Variants in JAG1 observed in about 807,000 individuals in gnomAD.
The protein encoded by JAG1 is jagged canonical Notch ligand 1, also known as protein jagged-1.
In JAG1, 23 loss-of-function variants were observed where a neutral mutation model predicts 148.7. That is an observed-to-expected ratio of 0.15 (90% CI 0.11 to 0.22). The LOEUF is 0.22. Among genes scored for constraint, JAG1 ranks in the 10% least tolerant of loss-of-function variants. JAG1 has a pLI of 1.00. For synonymous variants in JAG1, 572 were observed against 598.3 expected, an observed-to-expected ratio of 0.96 and a Z score of 0.64; for missense variants, 1,054 against 1,611.2, an observed-to-expected ratio of 0.65 and a Z score of 5.92.
rs1416747384 is a variant in JAG1, at chr20:10,652,731, C to T, written c.756-133G>A. The T allele has an allele frequency of 8.1e-6, 7 of 865,804 alleles. No homozygotes were observed. The East Asian group carries it at 1.6e-4, about 20-fold the overall frequency. The allele number at this position is 865,804 out of a possible 1,614,324, so 53.6% of individuals were successfully genotyped here. On this transcript the variant is annotated intron_variant, in intron 5 of 25. Transcript: ENST00000254958. ...GGGACAGGAAGGTAGACTCCCAAGG[C>T]TCATCAGGGGCTCCGTATAAACAAA...
chr20:10,643,109 C>A (rs2067284675), intron 20 of JAG1, among the ~76,000 whole-genome samples: 1 of 152,240 alleles, frequency 6.6e-6, no homozygotes, highest in Non-Finnish European at 1.5e-5. Flanking sequence ...AAACATGAAA[C>A]AGATACAACC....
At chr20:10,658,445 C>T (rs758847237) in intron 4 of JAG1, 23 bp downstream of exon 4, 7 of 1,612,766 alleles carry the variant, frequency 4.3e-6, no homozygotes, top group Non-Finnish European at 5.1e-6. Flanking sequence ...GGCACACGTG[C>T]ACATGCACAC....
chr20:10,649,245 G>A (rs1165760468), intron 10 of JAG1, 138 bp from the exon 11 acceptor site: 7 of 694,936 alleles, frequency 1.0e-5, no homozygotes, highest in Non-Finnish European at 1.8e-5. Flanking sequence ...AGGTTATTAC[G>A]CTGGGTGGGG....
chr20:10,641,718 C>T, intron 22 of JAG1, 25 bp from the exon 23 acceptor site: 1 of 1,612,360 alleles, frequency 6.2e-7, no homozygotes, highest in Non-Finnish European at 8.5e-7. Flanking sequence ...AAGCTGGCAG[C>T]TTAGCAGGCA....
intron 2 of JAG1, among the ~76,000 whole-genome samples, chr20:10,664,836 C>T (rs2067442519): frequency 6.6e-6 from 1 of 152,158 alleles, no homozygotes; most frequent in African/African-American, 2.4e-5. Context: ...AAACTGAAGG[C>T]ACCTTTTATC....
In JAG1 at chr20:10,641,970, A is replaced by C. The variant is rs1019256938; in HGVS notation, c.2573-78T>G. 7.6e-6 allele frequency: 7 copies of C among 925,392 alleles called. No homozygotes were observed. The African/African-American group carries it at 1.1e-4, about 15-fold the overall frequency. The allele number at this position is 925,392 out of a possible 1,614,324, so 57.3% of individuals were successfully genotyped here. A position where few individuals can be genotyped will look rare whatever the true frequency, so the allele number is the denominator to read the frequency against. The stretch of plus-strand genomic sequence containing the variant: ...TTCAATTCTTTGGTCCCTGTTATGA[A>C]ATGGTTATGCCTGTGCCCTTTGCCA... On this transcript the variant is annotated intron_variant, in intron 21 of 25. Coordinates refer to ENST00000254958, the MANE Select transcript of JAG1 (RefSeq NM_000214.3).
chr20:10,639,678 G>T lies in JAG1; in HGVS notation c.3477C>A (p.Asp1159Glu). The change falls in exon 26 of 26, where the codon GAC becomes GAA. Residue 1159 changes from aspartate to glutamate, a missense_variant. Physicochemically the swap from Asp to Glu is conservative, Grantham distance 45 (BLOSUM62 2). This residue lies in a region of JAG1 where 177 missense variants were observed against 177.3 expected (regional missense o/e 1.00). Transcript: ENST00000254958. ...IRTHNSEVEE[D>E]DMDKHQQKAR... Reference sequence around the variant, plus strand: ...CTTTCTGCTGGTGTTTGTCCATGTCGTCCTCTTCTACTTCAGAATTGTGTG... The same window carrying T: ...CTTTCTGCTGGTGTTTGTCCATGTCTTCCTCTTCTACTTCAGAATTGTGTG... The T allele has an allele frequency of 6.2e-7, 1 of 1,614,176 alleles. No individual in the cohort carries two copies. The highest frequency in any genetic ancestry group is 1.1e-5 in the South Asian group (1 of 91,088).
In JAG1 at chr20:10,672,906, G is replaced by A. The variant is rs199603948; in HGVS notation, c.182C>T (p.Pro61Leu). ...NGNCCGGARN[P>L]GDRKCTRDEC... The stretch of plus-strand genomic sequence containing the variant: ...GTCGCGGGTGCACTTGCGGTCTCCC[G>A]GGTTCCGGGCGCCGCCGCAGCAGTT... Residue 61 changes from proline (P) to leucine (L), a missense_variant, in exon 2 of 26, where the codon CCG becomes CTG. Coordinates refer to ENST00000254958, the MANE Select transcript of JAG1 (RefSeq NM_000214.3). The A allele has an allele frequency of 3.1e-6, 5 of 1,613,058 alleles. No individual in the cohort carries two copies. The East Asian group carries it at 6.7e-5, about 22-fold the overall frequency.
intron 12 of JAG1, 131 bp downstream of exon 12, chr20:10,648,414 ACTCT>A (rs1171134737): frequency 8.8e-6 from 7 of 794,448 alleles, no homozygotes; most frequent in South Asian, 1.4e-5. Context: ...TCTAGCAGAG[ACTCT>A]CTCATCAATA....
Position 10,641,094 on chromosome 20 carries a change from G to C in JAG1, c.3048+19C>G. ...GCCTTGCCATCGAATAATGAGGTGT[G>C]AATGGGTCTTATACTTACAATGGCC... On this transcript the variant is annotated intron_variant, in intron 24 of 25. Coordinates refer to ENST00000254958, the MANE Select transcript of JAG1 (RefSeq NM_000214.3). The C allele has an allele frequency of 6.2e-7, 1 of 1,614,048 alleles. No individual in the cohort carries two copies. The highest frequency in any genetic ancestry group is 8.5e-7 in the Non-Finnish European group (1 of 1,180,012).
intron 2 of JAG1, among the ~76,000 whole-genome samples, chr20:10,665,094 A>G (rs76533384): frequency 0.073 from 11,118 of 152,262 alleles, 545 homozygotes; most frequent in Non-Finnish European, 0.11. Flanking sequence ...AAGCCATAGG[A>G]AATAGAAGCG....
chr20:10,656,409 T>A lies in JAG1; in HGVS notation c.744A>T (p.Pro248=), dbSNP rs10485741. ...CSPKHGSCKL[P]GDCRCQYGWQ... ...ACCAGTTGATTTACCTGCAGTCACC[T>A]GGGAGTTTGCAAGACCCATGCTTAG... The change falls in exon 5 of 26, where the codon CCA becomes CCT. Residue 248 remains proline (P), a synonymous_variant. Transcript: ENST00000254958. 1.2e-6 allele frequency: 2 copies of A among 1,613,482 alleles called. No individual in the cohort carries two copies. Among genetic ancestry groups the A allele is most frequent in the East Asian group, 4.5e-5 (2 of 44,882 alleles).
At chr20:10,660,954 C>T (rs1217522744) in intron 3 of JAG1, among the ~76,000 whole-genome samples, 1 of 152,166 alleles carries the variant, frequency 6.6e-6, no homozygotes, top group Non-Finnish European at 1.5e-5. Flanking sequence ...TGGGACCACA[C>T]CGACCCAAAA....
intron 3 of JAG1, among the ~76,000 whole-genome samples, chr20:10,659,016 C>T (rs1160535069): frequency 6.6e-6 from 1 of 152,214 alleles, no homozygotes; most frequent in East Asian, 1.9e-4. Flanking sequence ...AACAAAGCCA[C>T]AGTGAGCATT....
chr20:10,654,106 TAA>T (rs2067363330), intron 5 of JAG1, among the ~76,000 whole-genome samples: 1 of 152,200 alleles, frequency 6.6e-6, no homozygotes, highest in African/African-American at 2.4e-5. Context: ...TGAAAGATAG[TAA>T]GAGGGAACTG....
chr20:10,671,074 T>C (rs1213749963), intron 2 of JAG1, among the ~76,000 whole-genome samples: 1 of 152,138 alleles, frequency 6.6e-6, no homozygotes, highest in Non-Finnish European at 1.5e-5. Flanking sequence ...AAGATTCCTT[T>C]TATGGTCTTG....
Position 10,652,309 on chromosome 20 carries a change from G to A in JAG1, c.887-59C>T, listed in dbSNP as rs1391753433. 8 of 1,609,282 alleles carry A rather than the reference G, an allele frequency of 5.0e-6. No homozygotes were observed. In the African/African-American group the frequency reaches 6.7e-5, roughly 13 times the overall value. On this transcript the variant is annotated intron_variant, in intron 6 of 25. Transcript: ENST00000254958. ...CCTGTGAAGATGGCGAACCCACCAT[G>A]TTTCTAGCCCCAGTCGTCTTTTAAA...
At position 10,651,565 on chromosome 20, in the gene JAG1, T is replaced by C; in HGVS notation, c.1120+16A>G. The C allele has an allele frequency of 6.4e-7, 1 of 1,556,432 alleles. No homozygotes were observed. Among genetic ancestry groups the C allele is most frequent in the Non-Finnish European group, 8.9e-7 (1 of 1,128,172 alleles). On this transcript the variant is annotated intron_variant, in intron 8 of 25. Transcript: ENST00000254958. ...AAGGATCCTTAGAATGGACACAGGCTGAAAATTGGACTTACTTGTAGAGCA... is the reference window on the plus strand; with the variant it reads ...AAGGATCCTTAGAATGGACACAGGCCGAAAATTGGACTTACTTGTAGAGCA...
At chr20:10,661,448 A>T (rs1255682079) in intron 3 of JAG1, among the ~76,000 whole-genome samples, 1 of 152,220 alleles carries the variant, frequency 6.6e-6, no homozygotes, top group Non-Finnish European at 1.5e-5. Context: ...TCCAAGTAGC[A>T]TAAACAGCAT....
Sources: gnomAD v4.1 joint callset for allele counts (sites outside exome capture counted in the v4.1 genomes callset) on GRCh38, gnomAD v4.1.1 for gene constraint, gnomAD v4.1.1 regional missense constraint, MANE v1.5 for transcripts, NCBI Gene and HGNC (gene_info 2026-07-23, HGNC 2026-07-21) for gene names.